The following KDM4C variants were observed in gnomAD, a reference collection of about 807,000 sequenced individuals.
KDM4C encodes lysine-specific demethylase 4C.
KDM4C carries 81 observed loss-of-function variants against 129.3 expected under a neutral mutation model. That is an observed-to-expected ratio of 0.63 (90% CI 0.52 to 0.75). KDM4C has a LOEUF of 0.75. Among genes scored for constraint, KDM4C ranks in the 30% least tolerant of loss-of-function variants. The pLI, the probability that KDM4C is intolerant of heterozygous loss-of-function variation, is 0.00. For missense variants in KDM4C, 1,457 were observed against 1,304.0 expected, an observed-to-expected ratio of 1.12 and a Z score of -1.81; for synonymous variants, 573 against 456.1, an observed-to-expected ratio of 1.26 and a Z score of -3.26.
chr9:7,059,675 A>T (rs1360806273), intron 17 of KDM4C, among the ~76,000 whole-genome samples: 3 of 152,256 alleles, frequency 2.0e-5, no homozygotes, highest in Non-Finnish European at 4.4e-5. Context: ...CAACCAAACA[A>T]CATATTACAA....
intron 1 of KDM4C, among the ~76,000 whole-genome samples, chr9:6,786,689 TG>T (rs756542579): frequency 5.9e-5 from 9 of 152,182 alleles, no homozygotes; most frequent in Non-Finnish European, 8.8e-5. Context: ...CAAGAGGGAC[TG>T]GGGATTTAAT....
chr9:6,855,316 G>T (rs185331555), intron 5 of KDM4C, among the ~76,000 whole-genome samples: 7 of 151,948 alleles, frequency 4.6e-5, no homozygotes, highest in Admixed American at 2.6e-4. Context: ...AAAATTAGCT[G>T]GGCATGGTGG....
Position 6,857,412 on chromosome 9 carries a change from T to C in KDM4C, c.629+7712T>C, listed in dbSNP as rs115905280. On this transcript the variant is annotated intron_variant, in intron 5 of 21. Transcript: ENST00000381309. Reference sequence around the variant, plus strand: ...AGCTATATTTGTAAGAAGAAGAGAATACAGTGCTAACTGGTAGTAAAATAT... The same window carrying C: ...AGCTATATTTGTAAGAAGAAGAGAACACAGTGCTAACTGGTAGTAAAATAT... 9.2e-3 allele frequency among the ~76,000 whole-genome samples: 1,406 copies of C among 152,280 alleles called. 19 individuals carry two copies. The highest frequency in any genetic ancestry group is 0.032 in the African/African-American group (1,343 of 41,554).
rs769177419 is a variant in KDM4C, at chr9:6,805,658, C to A, written c.204C>A (p.Leu68=). ...RQCYDDIDNL[L]IPAPIQQMVT... ...GCTATGATGACATTGATAATTTGCT[C>A]ATTCCAGCACCAATTCAGCAGATGG... Residue 68 remains leucine (L), a synonymous_variant, in exon 3 of 22, where the codon CTC becomes CTA. Transcript: ENST00000381309. The A allele has an allele frequency of 1.9e-5, 31 of 1,613,966 alleles. No individual in the cohort carries two copies. In the South Asian group the frequency reaches 3.2e-4, roughly 17 times the overall value.
chr9:6,939,968 A>ACCTTCCTTCCTTCCTTCCTT, intron 8 of KDM4C, among the ~76,000 whole-genome samples: 1 of 122,506 alleles, frequency 8.2e-6, no homozygotes, highest in South Asian at 2.8e-4. Context: ...CAACCTACCT[A>ACCTTCCTTCCTTCCTTCCTT]CCTACCTACC....
chr9:6,766,840 C>T (rs1211531245), intron 1 of KDM4C, among the ~76,000 whole-genome samples: 1 of 151,952 alleles, frequency 6.6e-6, no homozygotes, highest in Non-Finnish European at 1.5e-5. Flanking sequence ...GAACATTCTT[C>T]TCTGCCAGTA....
At chr9:6,779,032 C>CTTTTTTTT (rs60503128) in intron 1 of KDM4C, among the ~76,000 whole-genome samples, 1 of 94,628 alleles carries the variant, frequency 1.1e-5, no homozygotes, top group African/African-American at 5.2e-5. Flanking sequence ...TGATTAAAGT[C>CTTTTTTTT]TTTTTTTTTT....
chr9:6,843,472 C>T (rs917422259), intron 4 of KDM4C, among the ~76,000 whole-genome samples: 9 of 152,330 alleles, frequency 5.9e-5, no homozygotes, highest in Admixed American at 3.9e-4. Flanking sequence ...GGGCTTTCTC[C>T]ACTTCTGCTA....
chr9:6,941,495 T>C (rs1268964262), intron 8 of KDM4C: 2 of 152,182 alleles, frequency 1.3e-5, no homozygotes, highest in African/African-American at 2.4e-5. Context: ...TCAGAACATA[T>C]GATAGAATAA....
chr9:6,748,646 G>A (rs1817963845), intron 1 of KDM4C: 11 of 912,090 alleles, frequency 1.2e-5, no homozygotes, highest in Non-Finnish European at 1.6e-5. Context: ...ATTGGACAAA[G>A]GACGTCTAAA....
intron 4 of KDM4C, among the ~76,000 whole-genome samples, chr9:6,830,604 A>G (rs957495321): frequency 2.6e-5 from 4 of 152,212 alleles, no homozygotes; most frequent in African/African-American, 9.6e-5. Context: ...TACTTTCCAA[A>G]TGTCCTATAA....
intron 18 of KDM4C, among the ~76,000 whole-genome samples, chr9:7,114,538 A>G (rs1260337577): frequency 6.6e-6 from 1 of 152,176 alleles, no homozygotes; most frequent in East Asian, 1.9e-4. Flanking sequence ...TGTGTGGAAT[A>G]ATGTGGTTTC....
At chr9:6,931,000 T>G (rs1385464243) in intron 8 of KDM4C, among the ~76,000 whole-genome samples, 1 of 152,170 alleles carries the variant, frequency 6.6e-6, no homozygotes, top group Non-Finnish European at 1.5e-5. Flanking sequence ...AACTGCATTC[T>G]TATGCTTCTT....
intron 6 of KDM4C, among the ~76,000 whole-genome samples, chr9:6,886,499 C>CT (rs36095385): frequency 0.36 from 48,037 of 133,166 alleles, 9,830 homozygotes; most frequent in Middle Eastern, 0.54. Context: ...TTCTTTTTTC[C>CT]TTTTTTTTTT....
intron 1 of KDM4C, among the ~76,000 whole-genome samples, chr9:6,726,014 C>T (rs1166253825): frequency 6.6e-6 from 1 of 151,638 alleles, no homozygotes; most frequent in Non-Finnish European, 1.5e-5. Flanking sequence ...GCAACCTCCA[C>T]CTCCCTGGTT....
chr9:7,130,220 G>C (rs117753856), intron 19 of KDM4C, among the ~76,000 whole-genome samples: 1,701 of 152,290 alleles, frequency 0.011, 24 homozygotes, highest in Non-Finnish European at 0.014. Flanking sequence ...AAAGACTTCT[G>C]AGCACTAATT....
intron 8 of KDM4C, among the ~76,000 whole-genome samples, chr9:6,927,419 T>C (rs1322659995): frequency 1.3e-5 from 2 of 152,210 alleles, no homozygotes; most frequent in Admixed American, 1.3e-4. Context: ...TGTGAGCTAC[T>C]GCGCCCAGCC....
chr9:6,793,822 C>T (rs1017642160), intron 2 of KDM4C, among the ~76,000 whole-genome samples: 1 of 152,072 alleles, frequency 6.6e-6, no homozygotes, highest in East Asian at 1.9e-4. Flanking sequence ...GGATTAAAGG[C>T]GTGAGCCACT....
intron 4 of KDM4C, among the ~76,000 whole-genome samples, chr9:6,841,353 G>C (rs1372831973): frequency 6.6e-6 from 1 of 152,134 alleles, no homozygotes; most frequent in Non-Finnish European, 1.5e-5. Flanking sequence ...AAATGGGAAG[G>C]ATGTTGTTGA....
Sources: gnomAD v4.1 joint callset for allele counts (sites outside exome capture counted in the v4.1 genomes callset) on GRCh38, gnomAD v4.1.1 for gene constraint, MANE v1.5 for transcripts, NCBI Gene and HGNC (gene_info 2026-07-23, HGNC 2026-07-21) for gene names.